Variants in NFAM1 observed in about 807,000 individuals in gnomAD.
The protein encoded by NFAM1 is NFAT activating protein with ITAM motif 1, also known as NFAT activation molecule 1.
NFAM1 carries 17 observed loss-of-function variants against 29.0 expected under a neutral mutation model. The observed-to-expected ratio is 0.59, with a 90% confidence interval of 0.40 to 0.88. The LOEUF is 0.88. NFAM1 is among the 40% of genes least tolerant of loss of function. The pLI is 0.00. For missense variants in NFAM1, 324 were observed against 344.6 expected (o/e 0.94, Z 0.47); for synonymous variants, 175 against 147.2 (o/e 1.19, Z -1.36).
At chr22:42,404,849 T>C (rs1392847146) in intron 3 of NFAM1, among the ~76,000 whole-genome samples, 3 of 110,366 alleles carry the variant, frequency 2.7e-5, no homozygotes, top group African/African-American at 1.3e-4. Context: ...TAAAACTCCA[T>C]CTCAAAAAAA....
chr22:42,394,773 A>G (rs919486245), intron 4 of NFAM1, among the ~76,000 whole-genome samples: 2 of 152,208 alleles, frequency 1.3e-5, no homozygotes, highest in Admixed American at 6.5e-5. Context: ...TCTATTCACC[A>G]TCATTGTATC....
At chr22:42,425,835 G>A (rs1434926875) in intron 1 of NFAM1, among the ~76,000 whole-genome samples, 2 of 152,156 alleles carry the variant, frequency 1.3e-5, no homozygotes, top group African/African-American at 2.4e-5. Context: ...AGCCTCACGT[G>A]CCTCAGGCGA....
At chr22:42,403,877 C>A (rs1164370083) in intron 3 of NFAM1, among the ~76,000 whole-genome samples, 1 of 152,168 alleles carries the variant, frequency 6.6e-6, no homozygotes, top group African/African-American at 2.4e-5. Context: ...GAGGGCCTCT[C>A]TGAGCTGGGT....
intron 1 of NFAM1, among the ~76,000 whole-genome samples, chr22:42,428,099 T>C (rs1930681292): frequency 6.6e-6 from 1 of 152,206 alleles, no homozygotes; most frequent in African/African-American, 2.4e-5. Context: ...GACCCCTACC[T>C]GAGGGGCATT....
upstream of NFAM1, among the ~76,000 whole-genome samples, chr22:42,433,329 C>T (rs995977143): frequency 2.0e-4 from 31 of 152,188 alleles, no homozygotes; most frequent in Admixed American, 6.5e-4. Flanking sequence ...GCATGCTGAG[C>T]GCTTACCTCC....
chr22:42,393,704 C>T (rs1929425614), intron 4 of NFAM1, among the ~76,000 whole-genome samples: 1 of 149,920 alleles, frequency 6.7e-6, no homozygotes, highest in Non-Finnish European at 1.5e-5. Flanking sequence ...GCATGAGCCA[C>T]TGCACCCAGC....
chr22:42,407,903 CTTT>C (rs61407898), intron 3 of NFAM1, among the ~76,000 whole-genome samples: 4 of 103,306 alleles, frequency 3.9e-5, no homozygotes, highest in Admixed American at 1.0e-4. Flanking sequence ...ACAGATTTCT[CTTT>C]TTTTTTTTTT....
chr22:42,389,568 C>T (rs1483802706), intron 4 of NFAM1, among the ~76,000 whole-genome samples: 1 of 151,740 alleles, frequency 6.6e-6, no homozygotes, highest in African/African-American at 2.4e-5. Flanking sequence ...ATTGCACAGG[C>T]CTTGGAATGG....
At chr22:42,403,162 G>C (rs9623582) in intron 3 of NFAM1, among the ~76,000 whole-genome samples, 1,735 of 152,076 alleles carry the variant, frequency 0.011, 34 homozygotes, top group African/African-American at 0.04. Context: ...ACAACCCCAT[G>C]ACACAGCTCC....
chr22:42,412,759 C>T (rs1601752025), intron 1 of NFAM1, among the ~76,000 whole-genome samples: 3 of 152,166 alleles, frequency 2.0e-5, no homozygotes, highest in South Asian at 2.1e-4. Context: ...ACTCTGGGCT[C>T]GGAGAGGATT....
intron 3 of NFAM1, among the ~76,000 whole-genome samples, chr22:42,403,646 A>T (rs1929799436): frequency 6.6e-6 from 1 of 152,238 alleles, no homozygotes; most frequent in Non-Finnish European, 1.5e-5. Flanking sequence ...GACAGGTGTG[A>T]AAGGGCCCTA....
chr22:42,431,826 C>T (rs1450939335), intron 1 of NFAM1, among the ~76,000 whole-genome samples: 1 of 150,622 alleles, frequency 6.6e-6, no homozygotes, highest in Non-Finnish European at 1.5e-5. Flanking sequence ...AGCAACAACC[C>T]AGAGGGTAGC....
intron 1 of NFAM1, among the ~76,000 whole-genome samples, chr22:42,417,630 AGGAG>A (rs1930304470): frequency 6.6e-6 from 1 of 152,134 alleles, no homozygotes; most frequent in Admixed American, 6.5e-5. Flanking sequence ...GCAGAGAGTG[AGGAG>A]GGGCTGGTGA....
rs749250107 is a variant in NFAM1 at position 42,419,795 on chromosome 22, C to T, written c.122-8059G>A. ...CCCTGAGCCACTCCTGGGTGTCTGGCTGCCCCGCACAGCACAGACTCTCAG... is the reference window on the plus strand; with the variant it reads ...CCCTGAGCCACTCCTGGGTGTCTGGTTGCCCCGCACAGCACAGACTCTCAG... On this transcript the variant is annotated intron_variant, in intron 1 of 5. Transcript: ENST00000329021. This position sits in a 1 kb window ranked among gnomAD's most constrained non-coding sequence, Gnocchi z 4.5. 4.6e-5 allele frequency among the ~76,000 whole-genome samples: 7 copies of T among 152,162 alleles called. No homozygotes were observed. Among genetic ancestry groups the T allele is most frequent in the Admixed American group, 6.5e-5 (1 of 15,278 alleles).
At chr22:42,414,241 G>C (rs2038541833) in intron 1 of NFAM1, among the ~76,000 whole-genome samples, 1 of 152,106 alleles carries the variant, frequency 6.6e-6, no homozygotes, top group Non-Finnish European at 1.5e-5. Context: ...CCCCCTCCAG[G>C]GCTCCCCTCT....
chr22:42,404,852 C>CAAAA (rs397937097), intron 3 of NFAM1, among the ~76,000 whole-genome samples: 2 of 88,732 alleles, frequency 2.3e-5, no homozygotes, highest in African/African-American at 3.9e-5. Context: ...AACTCCATCT[C>CAAAA]AAAAAAAAAA....
rs531044266 is a variant in NFAM1, at chr22:42,388,192, G to A, written c.664-1114C>T. Among the ~76,000 whole-genome samples, 4 of 143,072 alleles carry A rather than the reference G, an allele frequency of 2.8e-5. No individual in the cohort carries two copies. In the South Asian group the frequency reaches 9.2e-4, roughly 33 times the overall value. 93.9% of individuals were successfully genotyped at this position (143,072 alleles called of 152,430 possible). On this transcript the variant is annotated intron_variant, in intron 4 of 5. Transcript: ENST00000329021. This position sits in a 1 kb window ranked among gnomAD's most constrained non-coding sequence, Gnocchi z 4.1. Reference sequence around the variant, plus strand: ...GGGCTTTAAAGTCAGACAAGAGTAGGTTCGAATCTCGGCTCTGACTGCGCC... The same window carrying A: ...GGGCTTTAAAGTCAGACAAGAGTAGATTCGAATCTCGGCTCTGACTGCGCC...
Position 42,381,668 on chromosome 22 carries a change from TC to T in NFAM1, c.*3492del. 6.5e-6 allele frequency: 1 copy of T among 153,074 alleles called. No individual in the cohort carries two copies. Among genetic ancestry groups the T allele is most frequent in the Non-Finnish European group, 1.5e-5 (1 of 68,590 alleles). 9.5% of individuals were successfully genotyped at this position (153,074 alleles called of 1,614,324 possible). A position where few individuals can be genotyped will look rare whatever the true frequency, so the allele number is the denominator to read the frequency against. On this transcript the variant is annotated 3_prime_UTR_variant, in exon 6 of 6. Transcript: ENST00000329021. ...GCTCACATCCGTCCGTCCTGGAAGG[TC>T]CACAGCTCCCCTTCACCTAGGCCTC...
chr22:42,423,550 G>GAAATAAAT (rs60005859), intron 1 of NFAM1, among the ~76,000 whole-genome samples: 17 of 151,398 alleles, frequency 1.1e-4, no homozygotes, highest in African/African-American at 3.2e-4. Flanking sequence ...CCCCATTTCT[G>GAAATAAAT]AAATAAATAA....
Sources: gnomAD v4.1 joint callset for allele counts (sites outside exome capture counted in the v4.1 genomes callset) on GRCh38, gnomAD v4.1.1 for gene constraint, Gnocchi (gnomAD v3.1) non-coding constraint, MANE v1.5 for transcripts, NCBI Gene and HGNC (gene_info 2026-07-23, HGNC 2026-07-21) for gene names.